Variants in NDFIP1 observed in about 807,000 individuals in gnomAD.
The protein encoded by NDFIP1 is NEDD4 family-interacting protein 1.
NDFIP1 carries 7 observed loss-of-function variants against 28.8 expected under a neutral mutation model. The ratio of observed to expected loss-of-function variants is 0.24; its 90% CI spans 0.14 to 0.46. NDFIP1 has a LOEUF of 0.46. NDFIP1 is among the 20% of genes least tolerant of loss of function. The pLI, the probability that NDFIP1 is intolerant of heterozygous loss-of-function variation, is 0.99. For missense variants in NDFIP1, 194 were observed against 269.1 expected (o/e 0.72, Z 1.95); for synonymous variants, 92 against 101.0 (o/e 0.91, Z 0.53).
At chr5:142,123,598 A>G (rs987463536) in intron 1 of NDFIP1, among the ~76,000 whole-genome samples, 11 of 152,234 alleles carry the variant, frequency 7.2e-5, no homozygotes, top group Admixed American at 2.0e-4. Flanking sequence ...ATCTTAGATG[A>G]AATCTATATA....
At chr5:142,148,750 C>CAAA (rs60681858) in intron 7 of NDFIP1, among the ~76,000 whole-genome samples, 4 of 22,222 alleles carry the variant, frequency 1.8e-4, no homozygotes, top group Non-Finnish European at 2.2e-4. Context: ...GACTCTGTCT[C>CAAA]AAAAAAAAAA....
At chr5:142,131,971 A>G in intron 2 of NDFIP1, 76 bp downstream of exon 2, 1 of 1,363,684 alleles carries the variant, frequency 7.3e-7, no homozygotes, top group East Asian at 2.4e-5. Context: ...AAAAAAAAAA[A>G]AGCTTCAGAA....
intron 1 of NDFIP1, among the ~76,000 whole-genome samples, chr5:142,117,391 C>T (rs2126911187): frequency 6.6e-6 from 1 of 151,792 alleles, no homozygotes; most frequent in African/African-American, 2.4e-5. Flanking sequence ...CTACAGGCGC[C>T]CGCTATCACG....
intron 7 of NDFIP1, among the ~76,000 whole-genome samples, chr5:142,146,139 A>G (rs188501374): frequency 1.2e-4 from 18 of 152,352 alleles, no homozygotes; most frequent in African/African-American, 3.4e-4. Flanking sequence ...AGCATTTTAC[A>G]TGGATAATTA....
chr5:142,112,535 A>AAG (rs1354598186), intron 1 of NDFIP1, among the ~76,000 whole-genome samples: 1 of 146,914 alleles, frequency 6.8e-6, no homozygotes, highest in South Asian at 2.2e-4. Context: ...ACTGTCTTAA[A>AAG]AAAAAAAAAA....
At chr5:142,121,910 G>A (rs1278600971) in intron 1 of NDFIP1, among the ~76,000 whole-genome samples, 2 of 152,192 alleles carry the variant, frequency 1.3e-5, no homozygotes, top group Admixed American at 1.3e-4. Flanking sequence ...ATGTATCCAT[G>A]CTGTGCCACT....
At chr5:142,112,365 CAG>C (rs1757022943) in intron 1 of NDFIP1, among the ~76,000 whole-genome samples, 1 of 149,418 alleles carries the variant, frequency 6.7e-6, no homozygotes, top group African/African-American at 2.5e-5. Context: ...TGCCTGGCGA[CAG>C]AGCAAGACTC....
rs1596789379 is a variant in NDFIP1 at position 142,132,197 on chromosome 5, G to A, written c.152-15G>A. On this transcript the variant is annotated splice_polypyrimidine_tract_variant and intron_variant, in intron 2 of 7. Coordinates refer to ENST00000253814, the MANE Select transcript of NDFIP1 (RefSeq NM_030571.4). ...AGCTAATCATCAAAAAATTGTGACT[G>A]TTAAAATTCTGCAGCATATTTTGAC... 1 of 1,605,034 alleles carries A rather than the reference G, an allele frequency of 6.2e-7. No individual in the cohort carries two copies. Among genetic ancestry groups the A allele is most frequent in the East Asian group, 2.2e-5 (1 of 44,854 alleles).
At chr5:142,127,125 C>T (rs749135053) in intron 1 of NDFIP1, among the ~76,000 whole-genome samples, 3 of 152,218 alleles carry the variant, frequency 2.0e-5, no homozygotes, top group East Asian at 1.9e-4. Context: ...AAGTGATTCT[C>T]GTGCCTAAGC....
chr5:142,132,421 A>G, intron 3 of NDFIP1, 79 bp downstream of exon 3: 2 of 1,520,776 alleles, frequency 1.3e-6, no homozygotes, highest in Non-Finnish European at 1.8e-6. Flanking sequence ...TTGATTCGTT[A>G]CTTATGATTG....
At chr5:142,150,198 AAATAT>A (rs757926559) in intron 7 of NDFIP1, among the ~76,000 whole-genome samples, 1 of 16,216 alleles carries the variant, frequency 6.2e-5, no homozygotes, top group African/African-American at 4.7e-4. Context: ...AAAAAAAAAA[AAATAT>A]ATAGAAACTG....
At chr5:142,140,448 CAAAAAA>C in intron 5 of NDFIP1, 109 bp from the exon 6 acceptor site, 13 of 516,118 alleles carry the variant, frequency 2.5e-5, no homozygotes, top group Admixed American at 1.0e-4. Flanking sequence ...AACTCCGTCT[CAAAAAA>C]AAAAAAAAAA....
chr5:142,140,791 T>G (rs182965025), intron 6 of NDFIP1, among the ~76,000 whole-genome samples, 162 bp downstream of exon 6: 78 of 152,370 alleles, frequency 5.1e-4, no homozygotes, highest in Admixed American at 1.4e-3. Context: ...AGTCTTTCGT[T>G]ACCATCAGAG....
intron 4 of NDFIP1, among the ~76,000 whole-genome samples, chr5:142,136,779 T>G (rs1596791448): frequency 2.8e-4 from 24 of 86,498 alleles, no homozygotes; most frequent in Admixed American, 6.6e-4. Flanking sequence ...AAAAAAGAGG[T>G]CAAAGGCTGG....
chr5:142,144,742 G>A, intron 7 of NDFIP1, 66 bp downstream of exon 7: 1 of 1,049,302 alleles, frequency 9.5e-7, no homozygotes, highest in Non-Finnish European at 1.4e-6. Flanking sequence ...TTTCTGTTCA[G>A]TTTTAGAGTA....
chr5:142,135,325 A>C (rs1352884485), intron 3 of NDFIP1, among the ~76,000 whole-genome samples: 1 of 152,114 alleles, frequency 6.6e-6, no homozygotes, highest in Admixed American at 6.5e-5. Flanking sequence ...CAGGTCCTCG[A>C]TTACTGATAT....
At chr5:142,139,409 C>G (rs1757305897) in intron 5 of NDFIP1, among the ~76,000 whole-genome samples, 1 of 152,024 alleles carries the variant, frequency 6.6e-6, no homozygotes. Context: ...TTGACATCAT[C>G]AAGGACAGCT....
chr5:142,127,476 TC>T lies in NDFIP1; in HGVS notation c.64-4331del, dbSNP rs1217420877. ...AGCACATAGAAGGGAGCAAAGGTAA[TC>T]AGGAAAAGAGTAATGGCACACTCTG... On this transcript the variant is annotated intron_variant, in intron 1 of 7. Coordinates refer to ENST00000253814, the MANE Select transcript of NDFIP1 (RefSeq NM_030571.4). 9.2e-5 allele frequency among the ~76,000 whole-genome samples: 14 copies of T among 152,164 alleles called. No individual in the cohort carries two copies. The East Asian group carries it at 2.7e-3, about 29-fold the overall frequency.
At chr5:142,125,748 C>T (rs11960946) in intron 1 of NDFIP1, among the ~76,000 whole-genome samples, 1,571 of 152,270 alleles carry the variant, frequency 0.01, 30 homozygotes, top group African/African-American at 0.036. Flanking sequence ...TTAGAGTTCC[C>T]GTTTCTCCAC....
Sources: allele counts gnomAD v4.1 joint callset (sites outside exome capture counted in the v4.1 genomes callset), GRCh38; gene constraint gnomAD v4.1.1; transcripts MANE v1.5; gene names NCBI Gene and HGNC (gene_info 2026-07-23, HGNC 2026-07-21).